Variants in PIAS1 observed in about 807,000 individuals in gnomAD.
PIAS1 encodes E3 SUMO-protein ligase PIAS1.
In PIAS1, 6 loss-of-function variants were observed where a neutral mutation model predicts 71.3. That is an observed-to-expected ratio of 0.08 (90% CI 0.05 to 0.17). The LOEUF (loss-of-function observed/expected upper bound fraction) is 0.17. Among genes scored for constraint, PIAS1 ranks in the 10% least tolerant of loss-of-function variants. PIAS1 has a pLI of 1.00. For missense variants in PIAS1, 555 were observed against 793.6 expected, an observed-to-expected ratio of 0.70 and a Z score of 3.61; for synonymous variants, 303 against 292.9, an observed-to-expected ratio of 1.03 and a Z score of -0.35.
chr15:68,106,044 T>A (rs1396027956), intron 2 of PIAS1, among the ~76,000 whole-genome samples: 1 of 152,100 alleles, frequency 6.6e-6, no homozygotes, highest in Non-Finnish European at 1.5e-5. Flanking sequence ...TGAGGTCCAT[T>A]ATAAAATATA....
Position 68,061,323 on chromosome 15 carries a change from T to G in PIAS1, c.24+6973T>G, listed in dbSNP as rs571806888. The G allele has an allele frequency of 1.1e-3, 168 of 152,372 alleles. 1 individual carries two copies. The highest frequency in any genetic ancestry group is 3.8e-3 in the African/African-American group (158 of 41,598). The allele number at this position is 152,372 out of a possible 1,614,324, so 9.4% of individuals were successfully genotyped here. A position where few individuals can be genotyped will look rare whatever the true frequency, so the allele number is the denominator to read the frequency against. The stretch of plus-strand genomic sequence containing the variant: ...CACTGCACTTTTTGCTAGATGTTTA[T>G]GACTATATTTCCCCTTCCATGTTAA... On this transcript the variant is annotated intron_variant, in intron 1 of 13. Transcript: ENST00000249636.
intron 11 of PIAS1, among the ~76,000 whole-genome samples, chr15:68,177,694 G>T (rs1433458263): frequency 1.3e-5 from 2 of 152,184 alleles, no homozygotes; most frequent in Non-Finnish European, 1.5e-5. Context: ...AGCACTTTCT[G>T]GGGGGTGGTA....
At chr15:68,123,155 G>A (rs978067916) in intron 2 of PIAS1, among the ~76,000 whole-genome samples, 1 of 152,118 alleles carries the variant, frequency 6.6e-6, no homozygotes, top group African/African-American at 2.4e-5. Flanking sequence ...AGGCTAAAGT[G>A]GTCCTCCTGC....
intron 4 of PIAS1, among the ~76,000 whole-genome samples, chr15:68,142,822 A>G (rs1205842382): frequency 1.3e-5 from 2 of 152,136 alleles, no homozygotes; most frequent in Non-Finnish European, 2.9e-5. Flanking sequence ...TTAAGTCTAC[A>G]GTATGTCATG....
At chr15:68,093,891 G>A (rs1449774569) in intron 2 of PIAS1, among the ~76,000 whole-genome samples, 1 of 151,860 alleles carries the variant, frequency 6.6e-6, no homozygotes, top group Non-Finnish European at 1.5e-5. Context: ...CCTTTTCTTG[G>A]TCCTCCTAAA....
Position 68,191,532 on chromosome 15 carries a change from G to A in PIAS1, c.*3697G>A, listed in dbSNP as rs2141117078. On this transcript the variant is annotated 3_prime_UTR_variant, in exon 14 of 14. Transcript: ENST00000249636. ...AATCCCTATGAGACAAGTGATAATG[G>A]TTTGTGCTTCCAAAGCACCTTTCAT... is the stretch of plus-strand genomic sequence containing the variant. 1 of 152,746 alleles carries A rather than the reference G, an allele frequency of 6.5e-6. No homozygotes were observed. The highest frequency in any genetic ancestry group is 1.9e-4 in the East Asian group (1 of 5,192). 9.5% of individuals were successfully genotyped at this position (152,746 alleles called of 1,614,324 possible).
At chr15:68,068,773 G>A (rs1444239751) in intron 1 of PIAS1, among the ~76,000 whole-genome samples, 1 of 151,384 alleles carries the variant, frequency 6.6e-6, no homozygotes, top group East Asian at 2.0e-4. Context: ...CTTGAAAAGT[G>A]CTCAGGCTTA....
intron 1 of PIAS1, among the ~76,000 whole-genome samples, chr15:68,083,099 T>C (rs1038051177): frequency 6.7e-6 from 1 of 149,442 alleles, no homozygotes; most frequent in Non-Finnish European, 1.5e-5. Context: ...TGATTTCTAA[T>C]AGTAGTAGTG....
At chr15:68,175,147 A>C (rs2093013630) in intron 9 of PIAS1, among the ~76,000 whole-genome samples, 1 of 152,180 alleles carries the variant, frequency 6.6e-6, no homozygotes, top group African/African-American at 2.4e-5. Context: ...ATAACCTAAG[A>C]ATTTGGCCGT....
intron 7 of PIAS1, among the ~76,000 whole-genome samples, chr15:68,156,063 A>G (rs1389256342): frequency 6.6e-6 from 1 of 152,116 alleles, no homozygotes; most frequent in Non-Finnish European, 1.5e-5. Flanking sequence ...TTCCCTGCTT[A>G]TTCATTTATT....
intron 2 of PIAS1, among the ~76,000 whole-genome samples, chr15:68,089,545 A>G (rs2092315675): frequency 6.6e-6 from 1 of 152,010 alleles, no homozygotes; most frequent in South Asian, 2.1e-4. Context: ...ATGCTCTCAT[A>G]ACATTTATTT....
At chr15:68,090,927 G>GGA (rs71455575) in intron 2 of PIAS1, among the ~76,000 whole-genome samples, 15 of 142,854 alleles carry the variant, frequency 1.1e-4, no homozygotes, top group African/African-American at 3.9e-4. Flanking sequence ...GTCATTTACG[G>GGA]GTGTGTGTGT....
At position 68,141,844 on chromosome 15, in the gene PIAS1, A is replaced by T. The variant is rs370685809; in HGVS notation, c.470-102A>T. On this transcript the variant is annotated intron_variant, in intron 2 of 13. Coordinates refer to ENST00000249636, the MANE Select transcript of PIAS1 (RefSeq NM_016166.3). ...ATTGCCTTGTTATCTAAACTCTAGA[A>T]TATATACCAGTTAATTAAAGACATG... The T allele has an allele frequency of 7.7e-5, 54 of 697,366 alleles. No individual in the cohort carries two copies. In the East Asian group the frequency reaches 1.3e-3, roughly 17 times the overall value. 43.2% of individuals were successfully genotyped at this position (697,366 alleles called of 1,614,324 possible).
At chr15:68,109,171 T>C (rs2092500264) in intron 2 of PIAS1, among the ~76,000 whole-genome samples, 1 of 152,188 alleles carries the variant, frequency 6.6e-6, no homozygotes, top group African/African-American at 2.4e-5. Context: ...GTGTTTTCTT[T>C]ACCTGGAATA....
intron 2 of PIAS1, chr15:68,087,755 T>A: frequency 3.1e-6 from 1 of 320,928 alleles, no homozygotes; most frequent in South Asian, 2.4e-5. Context: ...TTGAGAACAT[T>A]TTTTGCGAAT....
intron 1 of PIAS1, among the ~76,000 whole-genome samples, chr15:68,085,841 A>G (rs1334322877): frequency 5.3e-5 from 8 of 152,234 alleles, no homozygotes; most frequent in Admixed American, 5.2e-4. Flanking sequence ...AGCTATTGAT[A>G]TCCTGCCTAC....
At chr15:68,152,377 G>T (rs914926429) in intron 6 of PIAS1, among the ~76,000 whole-genome samples, 6 of 151,994 alleles carry the variant, frequency 3.9e-5, no homozygotes, top group Admixed American at 3.9e-4. Context: ...ATAGCTTTCC[G>T]AACTTTAAAT....
In PIAS1 at chr15:68,177,294, A is replaced by AAAG. The variant is rs1555434133; in HGVS notation, c.1481+642_1481+643insGAA. Among the ~76,000 whole-genome samples the AAAG allele has an allele frequency of 2.3e-3, 351 of 150,944 alleles. 1 individual carries two copies. Among genetic ancestry groups the AAAG allele is most frequent in the African/African-American group, 7.9e-3 (324 of 41,266 alleles). The stretch of plus-strand genomic sequence containing the variant: ...ACTTTGTCTCAAAAAAAAAAAAAAA[A>AAAG]AAAGAAAGAAAAAATTTGTATTTCT... On this transcript the variant is annotated intron_variant, in intron 11 of 13. Coordinates refer to ENST00000249636, the MANE Select transcript of PIAS1 (RefSeq NM_016166.3).
intron 1 of PIAS1, among the ~76,000 whole-genome samples, chr15:68,083,661 A>C (rs1216581278): frequency 6.6e-6 from 1 of 152,108 alleles, no homozygotes; most frequent in Non-Finnish European, 1.5e-5. Flanking sequence ...AACCAGTTGC[A>C]TGACATTCAA....
Sources: gnomAD v4.1 joint callset for allele counts (sites outside exome capture counted in the v4.1 genomes callset) on GRCh38, gnomAD v4.1.1 for gene constraint, MANE v1.5 for transcripts, NCBI Gene and HGNC (gene_info 2026-07-23, HGNC 2026-07-21) for gene names.